The following PIK3R1 variants were observed in gnomAD, a reference collection of about 807,000 sequenced individuals.
The protein encoded by PIK3R1 is phosphoinositide-3-kinase regulatory subunit 1, also known as phosphatidylinositol 3-kinase regulatory subunit alpha.
A neutral mutation model predicts 98.0 loss-of-function variants in PIK3R1; 29 were observed. The ratio of observed to expected loss-of-function variants is 0.30; its 90% CI spans 0.22 to 0.40. The LOEUF (loss-of-function observed/expected upper bound fraction) is 0.40. PIK3R1 is among the 10% of genes least tolerant of loss of function. PIK3R1 has a pLI of 1.00. For missense variants in PIK3R1, 596 were observed against 872.7 expected, an observed-to-expected ratio of 0.68 and a Z score of 3.99; for synonymous variants, 282 against 311.8, an observed-to-expected ratio of 0.90 and a Z score of 1.01.
At chr5:68,262,501 T>G (rs1451547119) in intron 2 of PIK3R1, among the ~76,000 whole-genome samples, 3 of 136,228 alleles carry the variant, frequency 2.2e-5, no homozygotes, top group Non-Finnish European at 3.1e-5. Flanking sequence ...TATACATATA[T>G]CTATATATGT....
intron 1 of PIK3R1, among the ~76,000 whole-genome samples, chr5:68,216,826 A>G (rs1561252650): frequency 8.2e-6 from 1 of 121,906 alleles, no homozygotes; most frequent in Non-Finnish European, 1.7e-5. Flanking sequence ...GAGAACAGAA[A>G]ACCTCTGGCC....
chr5:68,252,471 A>G (rs1745353933), intron 2 of PIK3R1, among the ~76,000 whole-genome samples: 1 of 152,176 alleles, frequency 6.6e-6, no homozygotes, highest in Non-Finnish European at 1.5e-5. Flanking sequence ...AAGAAAAAGT[A>G]GAATAAAATG....
chr5:68,226,880 T>C lies in PIK3R1; in HGVS notation c.205T>C (p.Phe69Leu), dbSNP rs1172886653. The C allele has an allele frequency of 6.2e-7, 1 of 1,614,104 alleles. No individual in the cohort carries two copies. Among genetic ancestry groups the C allele is most frequent in the East Asian group, 2.2e-5 (1 of 44,870 alleles). Residue 69 changes from phenylalanine (F) to leucine (L), a missense_variant, in exon 2 of 16, where the codon TTT becomes CTT. Physicochemically the swap from Phe to Leu is conservative, Grantham distance 22 (BLOSUM62 0). Coordinates refer to ENST00000521381, the MANE Select transcript of PIK3R1 (RefSeq NM_181523.3). ...TGAAACCACAGGGGAAAGGGGGGAC[T>C]TTCCGGGAACTTACGTAGAATATAT... ...YNETTGERGD[F>L]PGTYVEYIGR...
chr5:68,295,354 G>A (rs752651157), intron 13 of PIK3R1, 30 bp downstream of exon 13: 62 of 1,612,630 alleles, frequency 3.8e-5, no homozygotes, highest in Non-Finnish European at 5.0e-5. Flanking sequence ...TCCTATACAT[G>A]AATAATTGGT....
At chr5:68,288,272 C>A in intron 7 of PIK3R1, 3 of 318,926 alleles carry the variant, frequency 9.4e-6, no homozygotes, top group Non-Finnish European at 1.4e-5. Flanking sequence ...GGCCACTTGT[C>A]AGCCGATGAC....
chr5:68,231,183 T>A (rs1354789036), intron 2 of PIK3R1, among the ~76,000 whole-genome samples: 1 of 152,262 alleles, frequency 6.6e-6, no homozygotes, highest in African/African-American at 2.4e-5. Context: ...TTTGAGATCC[T>A]TTAATTAAAG....
chr5:68,288,712 G>A, intron 7 of PIK3R1: 1 of 1,613,684 alleles, frequency 6.2e-7, no homozygotes, highest in East Asian at 2.2e-5. Context: ...TCGGATACAG[G>A]CATTTCAAAG....
intron 2 of PIK3R1, among the ~76,000 whole-genome samples, chr5:68,231,557 C>T (rs193126674): frequency 6.6e-6 from 1 of 152,286 alleles, no homozygotes; most frequent in East Asian, 1.9e-4. Context: ...GTCCAGAAAG[C>T]AGGGCTGCAA....
intron 4 of PIK3R1, among the ~76,000 whole-genome samples, chr5:68,275,818 T>C (rs906489856): frequency 2.0e-5 from 3 of 152,114 alleles, no homozygotes; most frequent in African/African-American, 7.2e-5. Flanking sequence ...TCCAAAATAG[T>C]CACTTACACC....
chr5:68,296,166 C>T lies in PIK3R1; in HGVS notation c.1815-5C>T, dbSNP rs1326274147. 1.2e-6 allele frequency: 2 copies of T among 1,613,818 alleles called. No individual in the cohort carries two copies. Among genetic ancestry groups the T allele is most frequent in the South Asian group, 1.1e-5 (1 of 91,020 alleles). ...ATTTAGAAACTTTCTGTCCTGCCTG[C>T]CTAGCCAATATTCACTGGTGGAAGA... On this transcript the variant is annotated splice_polypyrimidine_tract_variant and splice_region_variant and intron_variant, in intron 14 of 15. Coordinates refer to ENST00000521381, the MANE Select transcript of PIK3R1 (RefSeq NM_181523.3).
At chr5:68,265,979 T>C (rs1018978692) in intron 2 of PIK3R1, among the ~76,000 whole-genome samples, 2 of 152,216 alleles carry the variant, frequency 1.3e-5, no homozygotes, top group Non-Finnish European at 2.9e-5. Context: ...AGAGTGCTTG[T>C]TCGGTCTGGC....
chr5:68,225,079 A>G (rs1459522227), intron 1 of PIK3R1, among the ~76,000 whole-genome samples: 1 of 152,256 alleles, frequency 6.6e-6, no homozygotes, highest in Non-Finnish European at 1.5e-5. Context: ...GCCTTGACTC[A>G]GTCTCTCCTG....
intron 14 of PIK3R1, 83 bp downstream of exon 14, chr5:68,295,571 G>A (rs573609863): frequency 1.8e-5 from 21 of 1,175,324 alleles, no homozygotes; most frequent in South Asian, 1.6e-4. Flanking sequence ...TTTAGAACAA[G>A]TGAGGAATTT....
At chr5:68,218,156 G>A (rs1193814179) in intron 1 of PIK3R1, among the ~76,000 whole-genome samples, 3 of 152,136 alleles carry the variant, frequency 2.0e-5, no homozygotes, top group African/African-American at 7.2e-5. Context: ...AATAAAGTTG[G>A]TTCTGGGAAA....
intron 7 of PIK3R1, chr5:68,288,644 G>T: frequency 1.2e-6 from 2 of 1,601,208 alleles, no homozygotes; most frequent in Non-Finnish European, 1.7e-6. Flanking sequence ...GGGGGGAGGT[G>T]CGGGGGCTTG....
chr5:68,225,142 CTCT>C (rs1322577630), intron 1 of PIK3R1, among the ~76,000 whole-genome samples: 1 of 152,156 alleles, frequency 6.6e-6, no homozygotes, highest in East Asian at 1.9e-4. Context: ...CCTACTTGAA[CTCT>C]TCTTCCTTGT....
intron 2 of PIK3R1, among the ~76,000 whole-genome samples, chr5:68,272,175 CTCAGG>C (rs1439979082): frequency 6.7e-6 from 1 of 149,716 alleles, no homozygotes; most frequent in African/African-American, 2.5e-5. Context: ...ATCACATGAA[CTCAGG>C]AAGTTGAGGC....
chr5:68,288,735 A>G (rs777395986), intron 7 of PIK3R1: 6 of 1,613,742 alleles, frequency 3.7e-6, no homozygotes, highest in Non-Finnish European at 5.1e-6. Flanking sequence ...AAACCGTTGA[A>G]ATGCATAACC....
intron 9 of PIK3R1, 43 bp from the exon 10 acceptor site, chr5:68,293,260 A>C: frequency 6.3e-7 from 1 of 1,595,998 alleles, no homozygotes; most frequent in East Asian, 2.2e-5. Flanking sequence ...ATATTTCCTT[A>C]TTCCAAAATG....
Sources: allele counts gnomAD v4.1 joint callset (sites outside exome capture counted in the v4.1 genomes callset), GRCh38; gene constraint gnomAD v4.1.1; transcripts MANE v1.5; gene names NCBI Gene and HGNC (gene_info 2026-07-23, HGNC 2026-07-21).